Variants in ACAD9 observed in about 807,000 individuals in gnomAD.
The protein encoded by ACAD9 is acyl-CoA dehydrogenase family member 9.
In ACAD9, 53 loss-of-function variants were observed where a neutral mutation model predicts 70.2. The observed-to-expected ratio is 0.75, with a 90% CI of 0.61 to 0.95. ACAD9 has a LOEUF of 0.95. ACAD9 is among the 40% of genes least tolerant of loss of function. The probability of loss-of-function intolerance (pLI) is 0.00; values close to 1 mark genes in which losing one functional copy is unlikely to be tolerated. For missense variants in ACAD9, 777 were observed against 802.8 expected (o/e 0.97, Z 0.39); for synonymous variants, 313 against 312.1 (o/e 1.00, Z -0.03).
chr3:128,904,161 C>T (rs1359390796), intron 10 of ACAD9, 29 bp downstream of exon 10: 2 of 1,609,240 alleles, frequency 1.2e-6, no homozygotes, highest in Admixed American at 3.3e-5. Flanking sequence ...TGTATTTGTG[C>T]ATTTCACTGT....
At chr3:128,901,137 A>G in intron 7 of ACAD9, 139 bp from the exon 8 acceptor site, 4 of 799,546 alleles carry the variant, frequency 5.0e-6, no homozygotes, top group South Asian at 1.4e-5. Flanking sequence ...CCACAAAGAT[A>G]GGAACTTTGT....
At position 128,906,693 on chromosome 3, in the gene ACAD9, C is replaced by T. The variant is rs796262733; in HGVS notation, c.1278+444C>T. Among the ~76,000 whole-genome samples, 15 of 152,210 alleles carry T rather than the reference C, an allele frequency of 9.9e-5. 1 individual carries two copies. The highest frequency in any genetic ancestry group is 3.4e-4 in the African/African-American group (14 of 41,536). ...TCCCTAAGGGCAGGGTAATAGAGCGCGCCAGGCCCAGATGGGACTGATCTG... is the reference window on the plus strand; with the variant it reads ...TCCCTAAGGGCAGGGTAATAGAGCGTGCCAGGCCCAGATGGGACTGATCTG... On this transcript the variant is annotated intron_variant, in intron 12 of 17. Coordinates refer to ENST00000308982, the MANE Select transcript of ACAD9 (RefSeq NM_014049.5).
At chr3:128,894,389 T>G (rs1935506797) in intron 3 of ACAD9, among the ~76,000 whole-genome samples, 1 of 152,218 alleles carries the variant, frequency 6.6e-6, no homozygotes, top group South Asian at 2.1e-4. Context: ...TGATGGAAGA[T>G]TCTCACTACA....
At chr3:128,908,460 T>C (rs1416443535) in intron 13 of ACAD9, 196 bp downstream of exon 13, 4 of 662,666 alleles carry the variant, frequency 6.0e-6, no homozygotes, top group African/African-American at 5.3e-5. Flanking sequence ...CCTGCCCTTA[T>C]GGCCACAGCA....
intron 6 of ACAD9, 56 bp downstream of exon 6, chr3:128,897,766 C>T: frequency 6.8e-7 from 1 of 1,477,818 alleles, no homozygotes; most frequent in Non-Finnish European, 9.4e-7. Context: ...TTCACTGCCA[C>T]TGAGTGAGCA....
At chr3:128,880,126 A>C in intron 1 of ACAD9, 1 of 1,024,324 alleles carries the variant, frequency 9.8e-7, no homozygotes, top group Non-Finnish European at 1.4e-6. Context: ...TTAACAAAGC[A>C]GCCTTCATCT....
In ACAD9 at chr3:128,911,983, G is replaced by T. The variant is rs137957934; in HGVS notation, c.1766-524G>T. ...TAGCCACTCGACCATATCTAGGAATGCCCAGCTCAGTCTACCTCTGACCCT... is the reference window on the plus strand; with the variant it reads ...TAGCCACTCGACCATATCTAGGAATTCCCAGCTCAGTCTACCTCTGACCCT... On this transcript the variant is annotated intron_variant, in intron 17 of 17. Transcript: ENST00000308982. Among the ~76,000 whole-genome samples the T allele has an allele frequency of 2.3e-3, 349 of 152,320 alleles. 1 individual carries two copies. The highest frequency in any genetic ancestry group is 6.8e-3 in the South Asian group (33 of 4,824).
rs761415446 is a variant in ACAD9, at chr3:128,901,343, G to A, written c.876G>A (p.Gly292=). Residue 292 remains glycine (G), a synonymous_variant, in exon 8 of 18, where the codon GGG becomes GGA. Coordinates refer to ENST00000308982, the MANE Select transcript of ACAD9 (RefSeq NM_014049.5). ...ACATCCTTGGAGAGGTCGGAGATGG[G>A]TTTAAGGTGAGTTGCCAGCCACAGC... ...VENILGEVGD[G]FKVAMNILNS... 5.0e-6 allele frequency: 8 copies of A among 1,614,148 alleles called. No homozygotes were observed. In the East Asian group the frequency reaches 1.1e-4, roughly 22 times the overall value.
At chr3:128,886,554 C>T (rs906401151) in intron 2 of ACAD9, among the ~76,000 whole-genome samples, 2 of 151,528 alleles carry the variant, frequency 1.3e-5, no homozygotes, top group Non-Finnish European at 2.9e-5. Flanking sequence ...ACTAAAAATA[C>T]AAAATTAGCT....
At chr3:128,895,049 G>A (rs774479596) in intron 3 of ACAD9, among the ~76,000 whole-genome samples, 16 of 151,410 alleles carry the variant, frequency 1.1e-4, no homozygotes, top group Non-Finnish European at 1.6e-4. Context: ...GCTAATTTTT[G>A]TATTTTTAGT....
chr3:128,908,051 C>T (rs1191975214), intron 12 of ACAD9, 134 bp from the exon 13 acceptor site: 1 of 858,740 alleles, frequency 1.2e-6, no homozygotes, highest in African/African-American at 1.7e-5. Flanking sequence ...GAGCCCTGCT[C>T]CCAGCTACTT....
intron 17 of ACAD9, among the ~76,000 whole-genome samples, chr3:128,911,269 G>T (rs994954662): frequency 2.6e-5 from 4 of 152,102 alleles, no homozygotes; most frequent in African/African-American, 9.7e-5. Flanking sequence ...TGTTAGCCAG[G>T]CTGGTCTCCA....
intron 3 of ACAD9, 52 bp from the exon 4 acceptor site, chr3:128,895,258 A>G (rs1232844798): frequency 1.3e-5 from 18 of 1,420,450 alleles, no homozygotes; most frequent in East Asian, 9.5e-5. Flanking sequence ...TGAAGCCTTA[A>G]TGGGAGGAAT....
rs538712343 is a variant in ACAD9, at chr3:128,909,028, C to T, written c.1414C>T (p.Arg472Trp). The change falls in exon 14 of 18, where the codon CGG (arginine) becomes TGG (tryptophan). Residue 472 changes from arginine to tryptophan, a missense_variant. Arg to Trp is a moderately radical substitution (Grantham distance 101, BLOSUM62 -3). Transcript: ENST00000308982. ...TVMDTVGRRL[R>W]DSLGRTVDLG... ...CATGGATACCGTTGGCCGGAGGCTT[C>T]GGGACTCCCTGGGCCGAACTGTGGA... 112 of 1,614,138 alleles carry T rather than the reference C, an allele frequency of 6.9e-5. No homozygotes were observed. In the Admixed American group the frequency reaches 8.2e-4, roughly 12 times the overall value.
chr3:128,899,813 G>T (rs182455546), intron 7 of ACAD9, among the ~76,000 whole-genome samples: 1 of 152,254 alleles, frequency 6.6e-6, no homozygotes, highest in East Asian at 1.9e-4. Flanking sequence ...AGTCTGCAGT[G>T]CCTGGCAGCC....
intron 3 of ACAD9, among the ~76,000 whole-genome samples, chr3:128,894,750 G>C (rs1271956410): frequency 1.3e-5 from 2 of 151,840 alleles, no homozygotes; most frequent in Non-Finnish European, 2.9e-5. Context: ...GCCCAGGCTA[G>C]TCTTGAATTC....
chr3:128,895,815 C>G (rs1345200776), intron 4 of ACAD9, among the ~76,000 whole-genome samples: 12 of 152,172 alleles, frequency 7.9e-5, no homozygotes, highest in Admixed American at 7.9e-4. Context: ...TAGGGCAGGC[C>G]CAGGGTCAAC....
At chr3:128,909,173 C>T in intron 14 of ACAD9, 74 bp downstream of exon 14, 1 of 1,605,968 alleles carries the variant, frequency 6.2e-7, no homozygotes, top group Non-Finnish European at 8.5e-7. Context: ...GAAAAGATCT[C>T]ACTGTGGGGG....
At chr3:128,889,949 A>C (rs555163545) in intron 2 of ACAD9, among the ~76,000 whole-genome samples, 7 of 151,884 alleles carry the variant, frequency 4.6e-5, no homozygotes, top group South Asian at 2.1e-4. Context: ...AGCCTCCCGC[A>C]TAGCTAAGAC....
Sources: gnomAD v4.1 joint callset for allele counts (sites outside exome capture counted in the v4.1 genomes callset) on GRCh38, gnomAD v4.1.1 for gene constraint, MANE v1.5 for transcripts, NCBI Gene and HGNC (gene_info 2026-07-23, HGNC 2026-07-21) for gene names.